The following RGS14 variants were observed in gnomAD, a reference collection of about 807,000 sequenced individuals.
The protein encoded by RGS14 is regulator of G-protein signaling 14.
Under a neutral mutation model 63.8 loss-of-function variants are expected in RGS14, and 33 were observed. That is an observed-to-expected ratio of 0.52 (90% CI 0.39 to 0.69). The LOEUF is 0.69. Ranked by LOEUF, RGS14 falls within the 30% of genes least tolerant of loss-of-function variation. The pLI is 0.00. For synonymous variants in RGS14, 296 were observed against 320.9 expected (o/e 0.92, Z 0.83); for missense variants, 739 against 742.9 (o/e 0.99, Z 0.06).
chr5:177,368,723 C>G lies in RGS14; in HGVS notation c.856C>G (p.Arg286Gly). The stretch of plus-strand genomic sequence containing the variant: ...CACTCCTGCCATGAATCAGAGCCAC[C>G]GGAAGAGCCTTGGGAGCACGGAGGG... ...AFVSSKSESH[R>G]KSLGSTEGES... Residue 286 changes from arginine to glycine, a missense_variant, in exon 9 of 15, where the codon CGG becomes GGG. Coordinates refer to ENST00000408923, the MANE Select transcript of RGS14 (RefSeq NM_006480.5). 1.2e-6 allele frequency: 2 copies of G among 1,614,026 alleles called. No individual in the cohort carries two copies. The highest frequency in any genetic ancestry group is 1.7e-6 in the Non-Finnish European group (2 of 1,179,946).
intron 1 of RGS14, among the ~76,000 whole-genome samples, chr5:177,361,149 G>A (rs950872534): frequency 3.3e-5 from 5 of 152,108 alleles, no homozygotes; most frequent in East Asian, 1.9e-4. Flanking sequence ...TTTGTCCCTC[G>A]CGTCCAGCTC....
chr5:177,363,293 A>G (rs977587199), intron 1 of RGS14, among the ~76,000 whole-genome samples: 11 of 150,456 alleles, frequency 7.3e-5, no homozygotes, highest in Non-Finnish European at 1.6e-4. Flanking sequence ...AGCGGGGAGC[A>G]CGAGAGCAGG....
intron 1 of RGS14, among the ~76,000 whole-genome samples, chr5:177,361,996 C>T (rs1744021976): frequency 6.6e-6 from 1 of 152,182 alleles, no homozygotes; most frequent in East Asian, 1.9e-4. Context: ...CTGCAGGGCC[C>T]CTGCACACCT....
intron 5 of RGS14, 98 bp downstream of exon 5, chr5:177,367,132 GC>G: frequency 6.8e-7 from 1 of 1,462,280 alleles, no homozygotes; most frequent in Non-Finnish European, 9.2e-7. Flanking sequence ...AGCGGAGGGG[GC>G]AAATTTGGAG....
intron 1 of RGS14, among the ~76,000 whole-genome samples, chr5:177,362,965 G>C (rs1487570132): frequency 6.6e-6 from 1 of 152,212 alleles, no homozygotes; most frequent in African/African-American, 2.4e-5. Context: ...GCAGGACAGA[G>C]GCTCAGGGTG....
Position 177,368,158 on chromosome 5 carries a change from GCTGGGCGGGA to G in RGS14, c.745_754del (p.Gly249GlnfsTer24), listed in dbSNP as rs759870581. ...CGTTCATCGCTCCCTCTTCACTAGA[GCTGGGCGGGA>G]CTGCAAACGCCGCCTTGCGCCGAGA... On this transcript the variant is annotated frameshift_variant and splice_region_variant, in exon 8 of 15. Transcript: ENST00000408923. LOFTEE classifies it high-confidence loss of function. The G allele has an allele frequency of 6.2e-7, 1 of 1,612,920 alleles. No individual in the cohort carries two copies. The highest frequency in any genetic ancestry group is 1.1e-5 in the South Asian group (1 of 91,072).
rs760806405 is a variant in RGS14, at chr5:177,366,803, G to C, written c.339+3G>C. On this transcript the variant is annotated splice_donor_region_variant and intron_variant, in intron 4 of 14. Transcript: ENST00000408923. ...TCCCGGCCAGCGATACCCAGCAGGT[G>C]GGGGAAGGGGGAGCTGGGGCCGAGG... is the stretch of plus-strand genomic sequence containing the variant. The C allele has an allele frequency of 5.0e-6, 8 of 1,614,074 alleles. No homozygotes were observed. Among genetic ancestry groups the C allele is most frequent in the South Asian group, 1.1e-5 (1 of 91,072 alleles).
At chr5:177,368,411 C>T in intron 8 of RGS14, 145 bp downstream of exon 8, 1 of 869,760 alleles carries the variant, frequency 1.1e-6, no homozygotes, top group South Asian at 1.8e-5. Flanking sequence ...AGCCTCCTTA[C>T]TTGTCTCACT....
In RGS14 at chr5:177,364,299, G is replaced by A. The variant is rs60378248; in HGVS notation, c.46-1664G>A. 1.5e-3 allele frequency among the ~76,000 whole-genome samples: 222 copies of A among 152,280 alleles called. 1 individual carries two copies. The East Asian group carries it at 0.034, about 23-fold the overall frequency. ...CATGGTGAAAGTGTAGGAGGTAAGC[G>A]GGAAGTAGGAACTGGGGATGACTCA... On this transcript the variant is annotated intron_variant, in intron 1 of 14. Transcript: ENST00000408923. The surrounding 1 kb of genome is among the most constrained non-coding windows in gnomAD (Gnocchi z 4.6).
chr5:177,358,216 G>C lies in RGS14; in HGVS notation c.45+147G>C. The C allele has an allele frequency of 3.3e-6, 2 of 597,430 alleles. No individual in the cohort carries two copies. Among genetic ancestry groups the C allele is most frequent in the Non-Finnish European group, 5.0e-6 (2 of 398,602 alleles). 37.0% of individuals were successfully genotyped at this position (597,430 alleles called of 1,614,324 possible). A position where few individuals can be genotyped will look rare whatever the true frequency, so the allele number is the denominator to read the frequency against. ...TGGGTACAGACAGCAGCAGGTGGTA[G>C]GACCTGGTGCTCTCACCCCTAGACC... On this transcript the variant is annotated intron_variant, in intron 1 of 14. Coordinates refer to ENST00000408923, the MANE Select transcript of RGS14 (RefSeq NM_006480.5). This position sits in a 1 kb window ranked among gnomAD's most constrained non-coding sequence, Gnocchi z 4.8.
Position 177,359,720 on chromosome 5 carries a change from C to T in RGS14, c.45+1651C>T, listed in dbSNP as rs1761917651. On this transcript the variant is annotated intron_variant, in intron 1 of 14. Coordinates refer to ENST00000408923, the MANE Select transcript of RGS14 (RefSeq NM_006480.5). The surrounding 1 kb of genome is among the most constrained non-coding windows in gnomAD (Gnocchi z 4.4). ...TGCCACCTCTTAGAATCCCGAGGGT[C>T]ACAGATTGGCTGCCTGCTGGTCACT... is the stretch of plus-strand genomic sequence containing the variant. 6.6e-6 allele frequency among the ~76,000 whole-genome samples: 1 copy of T among 152,238 alleles called. No individual in the cohort carries two copies.
intron 1 of RGS14, among the ~76,000 whole-genome samples, chr5:177,360,867 C>T (rs562022471): frequency 9.2e-5 from 14 of 152,310 alleles, no homozygotes; most frequent in Admixed American, 6.5e-4. Flanking sequence ...GAGCCGAGTT[C>T]GTGCTACTGC....
In RGS14 at chr5:177,368,223, G is replaced by T. The variant is rs1211123044; in HGVS notation, c.806G>T (p.Ser269Ile). The change falls in exon 8 of 15, where the codon AGC (serine) becomes ATC (isoleucine). Residue 269 changes from serine (S) to isoleucine (I), a missense_variant. Ser to Ile is a moderately radical substitution (Grantham distance 142, BLOSUM62 -2). Coordinates refer to ENST00000408923, the MANE Select transcript of RGS14 (RefSeq NM_006480.5). Reference sequence around the variant, plus strand: ...CAGGGCTCCCTCAACTCCTCCGCCAGCCTGGACCTTGGCTTCCTAGCCTTC... The same window carrying T: ...CAGGGCTCCCTCAACTCCTCCGCCATCCTGGACCTTGGCTTCCTAGCCTTC... ...ESQGSLNSSA[S>I]LDLGFLAFVS... The T allele has an allele frequency of 6.2e-7, 1 of 1,613,930 alleles. No homozygotes were observed. Among genetic ancestry groups the T allele is most frequent in the South Asian group, 1.1e-5 (1 of 91,074 alleles).
Position 177,371,175 on chromosome 5 carries a change from A to G in RGS14, c.1265A>G (p.Lys422Arg). The G allele has an allele frequency of 6.2e-7, 1 of 1,612,280 alleles. No homozygotes were observed. The highest frequency in any genetic ancestry group is 1.1e-5 in the South Asian group (1 of 91,042). The change falls in exon 12 of 15, where the codon AAA becomes AGA. Residue 422 changes from lysine (K) to arginine (R), a missense_variant. By Grantham distance (26) the Lys-to-Arg change is conservative. Transcript: ENST00000408923. The surrounding 1 kb of genome is among the most constrained non-coding windows in gnomAD (Gnocchi z 6.1). ...LEVVLHRPGEKQPLDLGKLVS... is the reference protein window; with the variant it reads ...LEVVLHRPGERQPLDLGKLVS... Reference sequence around the variant, plus strand: ...GACCTCTCCCCACAGCCAGGCGAGAAACAGCCTCTGGATCTGGGGAAGCTA... The same window carrying G: ...GACCTCTCCCCACAGCCAGGCGAGAGACAGCCTCTGGATCTGGGGAAGCTA...
rs559952564 is a variant in RGS14 at position 177,369,214 on chromosome 5, C to G, written c.1053+294C>G. 1.8e-4 allele frequency: 85 copies of G among 481,660 alleles called. 1 individual carries two copies. In the South Asian group the frequency reaches 1.8e-3, roughly 10 times the overall value. 29.8% of individuals were successfully genotyped at this position (481,660 alleles called of 1,614,324 possible). ...CTCATCATTCCCAGAGTCCAGACTC[C>G]CATCCCCACAGACCCATCCTGGAAA... On this transcript the variant is annotated intron_variant, in intron 9 of 14. Coordinates refer to ENST00000408923, the MANE Select transcript of RGS14 (RefSeq NM_006480.5).
At chr5:177,367,885 G>A in intron 7 of RGS14, 60 bp downstream of exon 7, 5 of 1,484,432 alleles carry the variant, frequency 3.4e-6, no homozygotes, top group Non-Finnish European at 4.5e-6. Context: ...TAAATTTGGG[G>A]AGTGCCCCCT....
At position 177,366,720 on chromosome 5, in the gene RGS14, AAGG is replaced by A; in HGVS notation, c.262_264del (p.Glu88del). 6.2e-7 allele frequency: 1 copy of A among 1,614,034 alleles called. No homozygotes were observed. The highest frequency in any genetic ancestry group is 8.5e-7 in the Non-Finnish European group (1 of 1,179,968). ...CTTCCCCTCCCAGGAGTTCCTGAAG[AAGG>A]AGTTCAGCGCGGAAAACGTGACTTT... On this transcript the variant is annotated inframe_deletion, in exon 4 of 15. Transcript: ENST00000408923.
At position 177,372,149 on chromosome 5, in the gene RGS14, C is replaced by T. The variant is rs1484259912; in HGVS notation, c.*74C>T. On this transcript the variant is annotated 3_prime_UTR_variant, in exon 15 of 15. Coordinates refer to ENST00000408923, the MANE Select transcript of RGS14 (RefSeq NM_006480.5). ...CATGCCATGGGTCCGCTCTGCATGC[C>T]CTGTCTGTGCCATGAGTGTCCCTGG... 7.9e-6 allele frequency: 11 copies of T among 1,386,856 alleles called. No individual in the cohort carries two copies. The South Asian group carries it at 1.3e-4, about 16-fold the overall frequency. The allele number at this position is 1,386,856 out of a possible 1,614,324, so 85.9% of individuals were successfully genotyped here. A position where few individuals can be genotyped will look rare whatever the true frequency, so the allele number is the denominator to read the frequency against.
At chr5:177,367,232 C>G in intron 5 of RGS14, 182 bp from the exon 6 acceptor site, 1 of 1,085,316 alleles carries the variant, frequency 9.2e-7, no homozygotes, top group East Asian at 2.6e-5. Flanking sequence ...GAGGCGGAGC[C>G]TAGCTGAGCT....
Sources: gnomAD v4.1 joint callset for allele counts (sites outside exome capture counted in the v4.1 genomes callset) on GRCh38, gnomAD v4.1.1 for gene constraint, Gnocchi (gnomAD v3.1) non-coding constraint, MANE v1.5 for transcripts, NCBI Gene and HGNC (gene_info 2026-07-23, HGNC 2026-07-21) for gene names.